DAB1: variants seen among roughly 807,000 people sequenced by gnomAD.
The protein encoded by DAB1 is disabled homolog 1.
In DAB1, 15 loss-of-function variants were observed where a neutral mutation model predicts 64.6. The ratio of observed to expected loss-of-function variants is 0.23; its 90% CI spans 0.16 to 0.36. DAB1 has a LOEUF of 0.36. Among genes scored for constraint, DAB1 ranks in the 10% least tolerant of loss-of-function variants. DAB1 has a pLI of 1.00. For missense variants in DAB1, 596 were observed against 706.7 expected, an observed-to-expected ratio of 0.84 and a Z score of 1.78; for synonymous variants, 235 against 251.9, an observed-to-expected ratio of 0.93 and a Z score of 0.64.
At chr1:58,130,491 C>G (rs968771629) in intron 5 of DAB1, among the ~76,000 whole-genome samples, 9 of 152,008 alleles carry the variant, frequency 5.9e-5, no homozygotes, top group African/African-American at 2.2e-4. Context: ...TGAATTTGAT[C>G]CTGTCATTAT....
At chr1:57,199,886 C>T (rs1401447324) in intron 2 of DAB1, among the ~76,000 whole-genome samples, 1 of 152,058 alleles carries the variant, frequency 6.6e-6, no homozygotes, top group African/African-American at 2.4e-5. Flanking sequence ...CAGTCTGGTA[C>T]CAAGCAGTCC....
intron 3 of DAB1, among the ~76,000 whole-genome samples, chr1:58,477,084 C>T (rs931987902): frequency 3.9e-5 from 6 of 152,194 alleles, no homozygotes; most frequent in African/African-American, 1.4e-4. Flanking sequence ...TAGTTCCAAT[C>T]CCAGTTCAGC....
intron 6 of DAB1, among the ~76,000 whole-genome samples, chr1:57,719,656 A>C (rs1422691035): frequency 6.6e-6 from 1 of 152,224 alleles, no homozygotes; most frequent in East Asian, 1.9e-4. Flanking sequence ...CTTGTAAAGA[A>C]GGTGCTTGCT....
intron 7 of DAB1, among the ~76,000 whole-genome samples, chr1:57,513,897 T>G (rs1205945391): frequency 1.3e-5 from 2 of 150,178 alleles, no homozygotes; most frequent in African/African-American, 5.1e-5. Flanking sequence ...ACTCTCTGCT[T>G]CTAAAAGTTC....
At chr1:57,598,139 C>T (rs1013846768) in intron 7 of DAB1, among the ~76,000 whole-genome samples, 2 of 152,170 alleles carry the variant, frequency 1.3e-5, no homozygotes, top group African/African-American at 4.8e-5. Flanking sequence ...CCCGCCACCA[C>T]GCCTGGCTAA....
intron 1 of DAB1, among the ~76,000 whole-genome samples, chr1:57,341,950 T>C (rs759178369): frequency 1.1e-4 from 16 of 152,234 alleles, no homozygotes; most frequent in Non-Finnish European, 1.6e-4. Context: ...ATTGCCAACA[T>C]TGTCTGGTAC....
At chr1:57,041,846 C>A (rs1647829832) in intron 9 of DAB1, among the ~76,000 whole-genome samples, 8 of 152,180 alleles carry the variant, frequency 5.3e-5, no homozygotes, top group Admixed American at 5.2e-4. Context: ...CTACAGAAAT[C>A]TCTAACCCAA....
chr1:57,024,657 CAGT>C (rs1377820096), intron 10 of DAB1, among the ~76,000 whole-genome samples: 28 of 152,296 alleles, frequency 1.8e-4, no homozygotes, highest in African/African-American at 6.5e-4. Context: ...TAAACACAGT[CAGT>C]GCTGTTCTTT....
chr1:57,928,311 T>A (rs1158077734), intron 5 of DAB1, among the ~76,000 whole-genome samples: 1 of 152,086 alleles, frequency 6.6e-6, no homozygotes, highest in Non-Finnish European at 1.5e-5. Flanking sequence ...AGAGCAGTTT[T>A]GGGTTCACAA....
intron 6 of DAB1, among the ~76,000 whole-genome samples, chr1:57,789,319 A>G (rs1650483870): frequency 6.6e-6 from 1 of 152,072 alleles, no homozygotes; most frequent in Non-Finnish European, 1.5e-5. Flanking sequence ...GGGAATTGGG[A>G]GAGATGGTAG....
At chr1:57,612,170 T>G (rs890462449) in intron 7 of DAB1, among the ~76,000 whole-genome samples, 1 of 151,502 alleles carries the variant, frequency 6.6e-6, no homozygotes, top group African/African-American at 2.4e-5. Context: ...TATGCCATTT[T>G]CACATATCCA....
intron 6 of DAB1, among the ~76,000 whole-genome samples, chr1:57,663,664 C>G (rs920905021): frequency 6.6e-6 from 1 of 151,818 alleles, no homozygotes; most frequent in African/African-American, 2.4e-5. Context: ...ACCCATTGCT[C>G]AATGTTGAAT....
chr1:58,345,711 C>T (rs1468005509), intron 3 of DAB1, among the ~76,000 whole-genome samples: 2 of 152,104 alleles, frequency 1.3e-5, no homozygotes, highest in Non-Finnish European at 1.5e-5. Context: ...AATCCCCTCT[C>T]CTGAGCTTCC....
chr1:57,354,560 A>C (rs1678907183), intron 1 of DAB1, among the ~76,000 whole-genome samples: 1 of 152,230 alleles, frequency 6.6e-6, no homozygotes, highest in East Asian at 1.9e-4. Context: ...TACGCTATAC[A>C]CTTACATTCC....
chr1:57,399,249 C>T (rs1046070947), intron 1 of DAB1, among the ~76,000 whole-genome samples: 2 of 152,038 alleles, frequency 1.3e-5, no homozygotes, highest in East Asian at 3.9e-4. Flanking sequence ...TTGTGGACAG[C>T]GACTGAATCT....
chr1:58,254,011 T>C (rs1353548304), intron 4 of DAB1, among the ~76,000 whole-genome samples: 1 of 152,132 alleles, frequency 6.6e-6, no homozygotes, highest in Non-Finnish European at 1.5e-5. Context: ...TTATAGTTAG[T>C]GGCTGGAGAA....
intron 4 of DAB1, among the ~76,000 whole-genome samples, chr1:58,172,811 C>T (rs1482231695): frequency 2.6e-5 from 4 of 152,178 alleles, no homozygotes; most frequent in African/African-American, 7.2e-5. Flanking sequence ...GGCAGTTGCC[C>T]GAGCCTTAGA....
intron 6 of DAB1, among the ~76,000 whole-genome samples, chr1:57,768,505 A>T (rs545065258): frequency 6.6e-6 from 1 of 151,014 alleles, no homozygotes; most frequent in African/African-American, 2.4e-5. Flanking sequence ...TTACCTATAT[A>T]CCACATAGTC....
At chr1:58,253,124 C>G (rs560356264) in intron 4 of DAB1, among the ~76,000 whole-genome samples, 1 of 152,114 alleles carries the variant, frequency 6.6e-6, no homozygotes, top group African/African-American at 2.4e-5. Flanking sequence ...CTTCGAACCT[C>G]TCCTGTCATT....
Sources: gnomAD v4.1 joint callset for allele counts (sites outside exome capture counted in the v4.1 genomes callset) on GRCh38, gnomAD v4.1.1 for gene constraint, MANE v1.5 for transcripts, NCBI Gene and HGNC (gene_info 2026-07-23, HGNC 2026-07-21) for gene names.